Variants in TMEM65 observed in about 807,000 individuals in gnomAD.
The protein encoded by TMEM65 is transmembrane protein 65.
TMEM65 carries 22 observed loss-of-function variants against 25.4 expected under a neutral mutation model. That is an observed-to-expected ratio of 0.86 (90% CI 0.62 to 1.23). TMEM65 has a LOEUF of 1.23. Ranked by LOEUF, TMEM65 falls within the 50% of genes most tolerant of loss-of-function variation. The probability of loss-of-function intolerance (pLI) is 0.00; values close to 1 mark genes in which losing one functional copy is unlikely to be tolerated. For missense variants in TMEM65, 262 were observed against 308.2 expected (o/e 0.85, Z 1.12); for synonymous variants, 132 against 126.2 (o/e 1.05, Z -0.31).
At chr8:124,333,318 T>C (rs1814458707) in intron 1 of TMEM65, among the ~76,000 whole-genome samples, 1 of 152,222 alleles carries the variant, frequency 6.6e-6, no homozygotes, top group Admixed American at 6.5e-5. Context: ...AAGGTTTATT[T>C]CCATATATAT....
At position 124,372,276 on chromosome 8, in the gene TMEM65, C is replaced by T; in HGVS notation, c.-119G>A. 1 of 994,308 alleles carries T rather than the reference C, an allele frequency of 1.0e-6. No individual in the cohort carries two copies. Among genetic ancestry groups the T allele is most frequent in the Non-Finnish European group, 1.2e-6 (1 of 806,696 alleles). 61.6% of individuals were successfully genotyped at this position (994,308 alleles called of 1,614,324 possible). A position where few individuals can be genotyped will look rare whatever the true frequency, so the allele number is the denominator to read the frequency against. ...CCCCGAGGTCCTCCTGCCAGGCAGC[C>T]GAGGCGCCGGGCACCATGCACTCCG... On this transcript the variant is annotated 5_prime_UTR_variant, in exon 1 of 7. Coordinates refer to ENST00000297632, the MANE Select transcript of TMEM65 (RefSeq NM_194291.3).
chr8:124,359,740 T>G (rs1020528040), intron 1 of TMEM65, among the ~76,000 whole-genome samples: 1 of 150,086 alleles, frequency 6.7e-6, no homozygotes, highest in African/African-American at 2.5e-5. Context: ...AGACTCTGTT[T>G]CAAAAAAAAA....
chr8:124,366,223 A>G (rs1814936793), intron 1 of TMEM65, among the ~76,000 whole-genome samples: 1 of 152,258 alleles, frequency 6.6e-6, no homozygotes, highest in African/African-American at 2.4e-5. Flanking sequence ...CTCCGTCTCA[A>G]AAAAGAGAAA....
chr8:124,346,988 T>C (rs1259786272), intron 1 of TMEM65, among the ~76,000 whole-genome samples: 2 of 152,186 alleles, frequency 1.3e-5, no homozygotes, highest in African/African-American at 4.8e-5. Context: ...AACCATGTTA[T>C]AAGTAAAATA....
chr8:124,316,707 A>G (rs1814241980), intron 6 of TMEM65, among the ~76,000 whole-genome samples: 2 of 152,178 alleles, frequency 1.3e-5, no homozygotes, highest in South Asian at 4.1e-4. Flanking sequence ...AACAATTATT[A>G]TGCCCCAGGA....
chr8:124,349,563 G>A (rs1005182033), intron 1 of TMEM65, among the ~76,000 whole-genome samples: 1 of 152,026 alleles, frequency 6.6e-6, no homozygotes, highest in African/African-American at 2.4e-5. Flanking sequence ...AAACAGCACC[G>A]AACTAAAAAC....
intron 1 of TMEM65, among the ~76,000 whole-genome samples, chr8:124,347,108 T>C (rs1045541205): frequency 6.6e-6 from 1 of 152,158 alleles, no homozygotes; most frequent in African/African-American, 2.4e-5. Context: ...CCAAGTTATA[T>C]ACTTACAAAA....
chr8:124,350,945 A>G (rs1563597080), intron 1 of TMEM65: 2 of 982,520 alleles, frequency 2.0e-6, no homozygotes, highest in Non-Finnish European at 2.4e-6. Context: ...ACGCAAAAAC[A>G]GAAAAATTAG....
At chr8:124,333,538 G>T (rs1351234083) in intron 1 of TMEM65, among the ~76,000 whole-genome samples, 2 of 148,792 alleles carry the variant, frequency 1.3e-5, no homozygotes, top group Non-Finnish European at 3.0e-5. Context: ...TCCTTTTCTG[G>T]ATATTTTAAA....
At chr8:124,357,593 T>C (rs1814800866) in intron 1 of TMEM65, among the ~76,000 whole-genome samples, 1 of 152,084 alleles carries the variant, frequency 6.6e-6, no homozygotes, top group South Asian at 2.1e-4. Context: ...CATATTTGCT[T>C]TTGTATTGAA....
intron 1 of TMEM65, among the ~76,000 whole-genome samples, chr8:124,349,168 T>C (rs16899562): frequency 0.09 from 13,728 of 152,162 alleles, 685 homozygotes; most frequent in African/African-American, 0.13. Flanking sequence ...AATAGAAAAA[T>C]ATGGAAGAAC....
Position 124,372,199 on chromosome 8 carries a change from G to A in TMEM65, c.-42C>T, listed in dbSNP as rs1386395399. The A allele has an allele frequency of 7.9e-7, 1 of 1,268,570 alleles. No homozygotes were observed. The highest frequency in any genetic ancestry group is 1.0e-6 in the Non-Finnish European group (1 of 1,002,026). 78.6% of individuals were successfully genotyped at this position (1,268,570 alleles called of 1,614,324 possible). A position where few individuals can be genotyped will look rare whatever the true frequency, so the allele number is the denominator to read the frequency against. On this transcript the variant is annotated 5_prime_UTR_variant, in exon 1 of 7. Coordinates refer to ENST00000297632, the MANE Select transcript of TMEM65 (RefSeq NM_194291.3). ...GGGACCCCCGCGGCCGTCCGGCAAG[G>A]CGGTTTCTGGCGCGGCTGAGGCGAG...
rs1814155799 is a variant in TMEM65, at chr8:124,311,283, G to A, written c.*2677C>T. ...ATCTCAGTGACATTGCTGCCACCTT[G>A]TAACAAATCCGTATTCATTAATCCT... On this transcript the variant is annotated 3_prime_UTR_variant, in exon 7 of 7. Coordinates refer to ENST00000297632, the MANE Select transcript of TMEM65 (RefSeq NM_194291.3). 1 of 152,466 alleles carries A rather than the reference G, an allele frequency of 6.6e-6. No homozygotes were observed. Among genetic ancestry groups the A allele is most frequent in the Admixed American group, 6.5e-5 (1 of 15,270 alleles). The allele number at this position is 152,466 out of a possible 1,614,324, so 9.4% of individuals were successfully genotyped here. A position where few individuals can be genotyped will look rare whatever the true frequency, so the allele number is the denominator to read the frequency against.
rs191447555 is a variant in TMEM65 at position 124,321,698 on chromosome 8, T to G, written c.515+407A>C. On this transcript the variant is annotated intron_variant, in intron 5 of 6. Transcript: ENST00000297632. ...TTTCTGGGAGTAGGGTGAGGTGGAATAATGAGAGAGGTTCTTCCTTTTACT... is the reference window on the plus strand; with the variant it reads ...TTTCTGGGAGTAGGGTGAGGTGGAAGAATGAGAGAGGTTCTTCCTTTTACT... Among the ~76,000 whole-genome samples, 8 of 152,282 alleles carry G rather than the reference T, an allele frequency of 5.3e-5. No individual in the cohort carries two copies. The East Asian group carries it at 1.5e-3, about 29-fold the overall frequency.
At chr8:124,367,977 T>TTA (rs924710741) in intron 1 of TMEM65, among the ~76,000 whole-genome samples, 1 of 152,230 alleles carries the variant, frequency 6.6e-6, no homozygotes, top group African/African-American at 2.4e-5. Context: ...AGTATACATA[T>TTA]TATAACAAAA....
At chr8:124,344,658 C>T (rs1019544381) in intron 1 of TMEM65, among the ~76,000 whole-genome samples, 2 of 152,118 alleles carry the variant, frequency 1.3e-5, no homozygotes, top group Non-Finnish European at 2.9e-5. Context: ...CAAGTAGATT[C>T]TTCTTTTGGC....
intron 1 of TMEM65, among the ~76,000 whole-genome samples, chr8:124,340,217 G>A (rs1197467503): frequency 6.6e-6 from 1 of 152,092 alleles, no homozygotes; most frequent in African/African-American, 2.4e-5. Context: ...TTGTATTATT[G>A]TATGTGGAAC....
rs977510987 is a variant in TMEM65, at chr8:124,309,594, A to C, written c.*4366T>G. The C allele has an allele frequency of 2.0e-5, 3 of 152,250 alleles. No individual in the cohort carries two copies. The highest frequency in any genetic ancestry group is 7.2e-5 in the African/African-American group (3 of 41,468). The allele number at this position is 152,250 out of a possible 1,614,324, so 9.4% of individuals were successfully genotyped here. On this transcript the variant is annotated 3_prime_UTR_variant, in exon 7 of 7. Coordinates refer to ENST00000297632, the MANE Select transcript of TMEM65 (RefSeq NM_194291.3). ...TAACACCAACTTTCTAGTACCTAGC[A>C]TGATACTTTCTCTTCACAGAATATC...
chr8:124,356,814 C>T (rs531052109), intron 1 of TMEM65, among the ~76,000 whole-genome samples: 1 of 129,008 alleles, frequency 7.8e-6, no homozygotes, highest in South Asian at 2.8e-4. Context: ...CTATAGTGTT[C>T]TTCCCACCTC....
Sources: allele counts gnomAD v4.1 joint callset (sites outside exome capture counted in the v4.1 genomes callset), GRCh38; gene constraint gnomAD v4.1.1; transcripts MANE v1.5; gene names NCBI Gene and HGNC (gene_info 2026-07-23, HGNC 2026-07-21).